The following TNFRSF25 variants were observed in gnomAD, a reference collection of about 807,000 sequenced individuals.
TNFRSF25 encodes the protein TNF receptor superfamily member 25.
In TNFRSF25, 28 loss-of-function variants were observed where a neutral mutation model predicts 49.4. That is an observed-to-expected ratio of 0.57 (90% CI 0.42 to 0.78). The LOEUF (loss-of-function observed/expected upper bound fraction) is 0.78. Among genes scored for constraint, TNFRSF25 ranks in the 30% least tolerant of loss-of-function variants. TNFRSF25 has a pLI of 0.00. For synonymous variants in TNFRSF25, 240 were observed against 234.2 expected (o/e 1.02, Z -0.23); for missense variants, 531 against 581.6 (o/e 0.91, Z 0.90).
chr1:6,465,955 C>A, intron 1 of TNFRSF25, 114 bp downstream of exon 1: 1 of 1,465,342 alleles, frequency 6.8e-7, no homozygotes, highest in Non-Finnish European at 9.1e-7. Context: ...GAAAGGGCGG[C>A]CAACCCAGCC....
rs377366526 is a variant in TNFRSF25 at position 6,461,781 on chromosome 1, G to C, written c.926-19C>G. 5.3e-6 allele frequency: 8 copies of C among 1,497,600 alleles called. No individual in the cohort carries two copies. The African/African-American group carries it at 9.7e-5, about 18-fold the overall frequency. The allele number at this position is 1,497,600 out of a possible 1,614,324, so 92.8% of individuals were successfully genotyped here. The stretch of plus-strand genomic sequence containing the variant: ...GCGGGGCCTGGGGCAGGGCCAGAGA[G>C]AGCCAATTGGGGTACGTGGGCCGCG... On this transcript the variant is annotated intron_variant, in intron 9 of 9. Coordinates refer to ENST00000356876, the MANE Select transcript of TNFRSF25 (RefSeq NM_003790.3). The surrounding 1 kb of genome is among the most constrained non-coding windows in gnomAD (Gnocchi z 6.3).
chr1:6,461,293 G>A lies in TNFRSF25; in HGVS notation c.*141C>T, dbSNP rs1644164199. 6.5e-6 allele frequency: 7 copies of A among 1,082,674 alleles called. No homozygotes were observed. In the Admixed American group the frequency reaches 8.1e-5, roughly 13 times the overall value. The allele number at this position is 1,082,674 out of a possible 1,614,324, so 67.1% of individuals were successfully genotyped here. On this transcript the variant is annotated 3_prime_UTR_variant, in exon 10 of 10. Transcript: ENST00000356876. This position sits in a 1 kb window ranked among gnomAD's most constrained non-coding sequence, Gnocchi z 6.3. ...TTGGCTGGAGCGATAGGGGCGAGCA[G>A]GGGTGGGGCCGGCTGGTGCTGCTAC... is the stretch of plus-strand genomic sequence containing the variant.
Position 6,461,240 on chromosome 1 carries a change from T to C in TNFRSF25, c.*194A>G. The C allele has an allele frequency of 1.3e-6, 1 of 758,800 alleles. No homozygotes were observed. The highest frequency in any genetic ancestry group is 2.4e-6 in the Non-Finnish European group (1 of 424,224). The allele number at this position is 758,800 out of a possible 1,614,324, so 47.0% of individuals were successfully genotyped here. ...GAAGTTGAGAAATGTCTTCACCCCC[T>C]CTCGACATTCGTTCGTGCTTCTTCG... On this transcript the variant is annotated 3_prime_UTR_variant, in exon 10 of 10. Transcript: ENST00000356876. The surrounding 1 kb of genome is among the most constrained non-coding windows in gnomAD (Gnocchi z 6.3).
chr1:6,461,148 C>A lies in TNFRSF25; in HGVS notation c.*286G>T, dbSNP rs1254141246. 1.5e-6 allele frequency: 1 copy of A among 658,244 alleles called. No individual in the cohort carries two copies. Among genetic ancestry groups the A allele is most frequent in the Admixed American group, 2.1e-5 (1 of 47,958 alleles). The allele number at this position is 658,244 out of a possible 1,614,324, so 40.8% of individuals were successfully genotyped here. On this transcript the variant is annotated 3_prime_UTR_variant, in exon 10 of 10. Transcript: ENST00000356876. This position sits in a 1 kb window ranked among gnomAD's most constrained non-coding sequence, Gnocchi z 6.3. ...CCAGCCCCGCAGAAACGCCAAGAAG[C>A]CGTTTTTGTTTTGTTTTGTTTTCTT...
At chr1:6,464,482 A>ATGGGACAGGAG in intron 4 of TNFRSF25, 29 bp from the exon 5 acceptor site, 1 of 1,611,986 alleles carries the variant, frequency 6.2e-7, no homozygotes, top group Non-Finnish European at 8.5e-7. Flanking sequence ...ATGCGTCACC[A>ATGGGACAGGAG]TGGGACAGGA....
rs754313761 is a variant in TNFRSF25 at position 6,461,147 on chromosome 1, G to A, written c.*287C>T. The stretch of plus-strand genomic sequence containing the variant: ...CCCAGCCCCGCAGAAACGCCAAGAA[G>A]CCGTTTTTGTTTTGTTTTGTTTTCT... On this transcript the variant is annotated 3_prime_UTR_variant, in exon 10 of 10. Coordinates refer to ENST00000356876, the MANE Select transcript of TNFRSF25 (RefSeq NM_003790.3). This position sits in a 1 kb window ranked among gnomAD's most constrained non-coding sequence, Gnocchi z 6.3. The A allele has an allele frequency of 3.3e-4, 218 of 656,832 alleles. No homozygotes were observed. The highest frequency in any genetic ancestry group is 5.8e-4 in the Non-Finnish European group (203 of 348,024). The allele number at this position is 656,832 out of a possible 1,614,324, so 40.7% of individuals were successfully genotyped here.
At chr1:6,464,777 T>C in intron 3 of TNFRSF25, 58 bp from the exon 4 acceptor site, 1 of 1,580,878 alleles carries the variant, frequency 6.3e-7, no homozygotes, top group Non-Finnish European at 8.6e-7. Context: ...AAGGCTCCCA[T>C]GGAGAGGCAG....
chr1:6,464,538 G>GT lies in TNFRSF25; in HGVS notation c.463+13dup. On this transcript the variant is annotated intron_variant, in intron 4 of 9. Transcript: ENST00000356876. ...GGGGTCTGGGAGTAGAGAGCCCTGG[G>GT]TGGGGGTACTCACAGAGTAGCCGTG... 1 of 1,613,998 alleles carries GT rather than the reference G, an allele frequency of 6.2e-7. No homozygotes were observed. The highest frequency in any genetic ancestry group is 8.5e-7 in the Non-Finnish European group (1 of 1,179,924).
At chr1:6,464,937 G>A in intron 3 of TNFRSF25, 151 bp downstream of exon 3, 1 of 1,314,758 alleles carries the variant, frequency 7.6e-7, no homozygotes, top group Non-Finnish European at 1.0e-6. Flanking sequence ...GAGAGAAGGG[G>A]CAAGGGCACC....
intron 2 of TNFRSF25, 69 bp downstream of exon 2, chr1:6,465,371 T>G: frequency 6.6e-7 from 1 of 1,508,420 alleles, no homozygotes; most frequent in Non-Finnish European, 9.0e-7. Context: ...TCCTCTTACC[T>G]CCCGGGCCTG....
intron 1 of TNFRSF25, 33 bp downstream of exon 1, chr1:6,466,036 A>G: frequency 6.4e-7 from 1 of 1,572,208 alleles, no homozygotes; most frequent in Non-Finnish European, 8.6e-7. Flanking sequence ...ACAGGGCTCA[A>G]AGCTGCCCCT....
In TNFRSF25 at chr1:6,461,921, C is replaced by T. The variant is rs2148556071; in HGVS notation, c.925+73G>A. On this transcript the variant is annotated intron_variant, in intron 9 of 9. Coordinates refer to ENST00000356876, the MANE Select transcript of TNFRSF25 (RefSeq NM_003790.3). The surrounding 1 kb of genome is among the most constrained non-coding windows in gnomAD (Gnocchi z 6.3). ...TCAGTTAGGGGGCAGAAAGGGAACACGTTGTGAAACCACAACTTCCCACCG... is the reference window on the plus strand; with the variant it reads ...TCAGTTAGGGGGCAGAAAGGGAACATGTTGTGAAACCACAACTTCCCACCG... The T allele has an allele frequency of 2.0e-6, 3 of 1,529,754 alleles. No individual in the cohort carries two copies. The highest frequency in any genetic ancestry group is 2.3e-5 in the East Asian group (1 of 44,114). The allele number at this position is 1,529,754 out of a possible 1,614,324, so 94.8% of individuals were successfully genotyped here. A position where few individuals can be genotyped will look rare whatever the true frequency, so the allele number is the denominator to read the frequency against.
intron 5 of TNFRSF25, 35 bp downstream of exon 5, chr1:6,464,340 G>T: frequency 6.3e-7 from 1 of 1,581,092 alleles, no homozygotes; most frequent in East Asian, 2.3e-5. Flanking sequence ...GCTCCCAGCC[G>T]CCCTTCCCTC....
In TNFRSF25 at chr1:6,465,821, C is replaced by T. The variant is rs949407169; in HGVS notation, c.39+248G>A. 25 of 1,424,202 alleles carry T rather than the reference C, an allele frequency of 1.8e-5. No homozygotes were observed. In the African/African-American group the frequency reaches 3.3e-4, roughly 19 times the overall value. 88.2% of individuals were successfully genotyped at this position (1,424,202 alleles called of 1,614,324 possible). A position where few individuals can be genotyped will look rare whatever the true frequency, so the allele number is the denominator to read the frequency against. On this transcript the variant is annotated intron_variant, in intron 1 of 9. Coordinates refer to ENST00000356876, the MANE Select transcript of TNFRSF25 (RefSeq NM_003790.3). The stretch of plus-strand genomic sequence containing the variant: ...CAGGAATCCAGCAGCGCCCCCACCC[C>T]CACCCATGCTTTCTGTTGGGGGAGG...
rs1215931302 is a variant in TNFRSF25, at chr1:6,461,803, C to T, written c.926-41G>A. 1 of 1,467,968 alleles carries T rather than the reference C, an allele frequency of 6.8e-7. No homozygotes were observed. The highest frequency in any genetic ancestry group is 9.0e-7 in the Non-Finnish European group (1 of 1,111,152). 90.9% of individuals were successfully genotyped at this position (1,467,968 alleles called of 1,614,324 possible). ...AGAGAGCCAATTGGGGTACGTGGGC[C>T]GCGGTCGGGAGGCAGAGTCAGGGGC... On this transcript the variant is annotated intron_variant, in intron 9 of 9. Transcript: ENST00000356876. The surrounding 1 kb of genome is among the most constrained non-coding windows in gnomAD (Gnocchi z 6.3).
intron 1 of TNFRSF25, 139 bp downstream of exon 1, chr1:6,465,930 C>G (rs1327139350): frequency 7.6e-6 from 11 of 1,455,168 alleles, no homozygotes; most frequent in Non-Finnish European, 2.7e-6. Flanking sequence ...CCTGGAGGAG[C>G]CTTTAACGAG....
intron 1 of TNFRSF25, 146 bp downstream of exon 1, chr1:6,465,923 G>A: frequency 5.5e-6 from 8 of 1,445,468 alleles, no homozygotes; most frequent in South Asian, 2.9e-5. Flanking sequence ...GCTACGCCCT[G>A]GAGGAGCCTT....
In TNFRSF25 at chr1:6,461,128, C is replaced by G; in HGVS notation, c.*306G>C. On this transcript the variant is annotated 3_prime_UTR_variant, in exon 10 of 10. Transcript: ENST00000356876. The surrounding 1 kb of genome is among the most constrained non-coding windows in gnomAD (Gnocchi z 6.3). ...AGTCCAGTCCACTTAACACCCCAGCCCCGCAGAAACGCCAAGAAGCCGTTT... is the reference window on the plus strand; with the variant it reads ...AGTCCAGTCCACTTAACACCCCAGCGCCGCAGAAACGCCAAGAAGCCGTTT... 1 of 607,170 alleles carries G rather than the reference C, an allele frequency of 1.6e-6. No individual in the cohort carries two copies. Among genetic ancestry groups the G allele is most frequent in the Admixed American group, 2.2e-5 (1 of 46,434 alleles). The allele number at this position is 607,170 out of a possible 1,614,324, so 37.6% of individuals were successfully genotyped here.
At position 6,466,081 on chromosome 1, in the gene TNFRSF25, C is replaced by G. The variant is rs773935895; in HGVS notation, c.27G>C (p.Ala9=). 2.7e-5 allele frequency: 42 copies of G among 1,576,442 alleles called. No individual in the cohort carries two copies. The highest frequency in any genetic ancestry group is 3.5e-5 in the Non-Finnish European group (41 of 1,164,020). ...CGTCTCAACTCACCGCCGCCACCGCCGCGCAGCCCCGCGGCCGCTGCTCCA... is the reference window on the plus strand; with the variant it reads ...CGTCTCAACTCACCGCCGCCACCGCGGCGCAGCCCCGCGGCCGCTGCTCCA... MEQRPRGC[A]AVAAALLLVL... Residue 9 remains alanine (A), a synonymous_variant, in exon 1 of 10, where the codon GCG becomes GCC. Coordinates refer to ENST00000356876, the MANE Select transcript of TNFRSF25 (RefSeq NM_003790.3).
Sources: allele counts gnomAD v4.1 joint callset, GRCh38; gene constraint gnomAD v4.1.1; non-coding constraint Gnocchi (gnomAD v3.1); transcripts MANE v1.5; gene names NCBI Gene and HGNC (gene_info 2026-07-23, HGNC 2026-07-21).